The following GAPVD1 variants were observed in gnomAD, a reference collection of about 807,000 sequenced individuals.
The protein encoded by GAPVD1 is GTPase-activating protein and VPS9 domain-containing protein 1.
In GAPVD1, 35 loss-of-function variants were observed where a neutral mutation model predicts 155.5. The ratio of observed to expected loss-of-function variants is 0.23; its 90% CI spans 0.17 to 0.30. The LOEUF (loss-of-function observed/expected upper bound fraction) is 0.30. GAPVD1 is among the 10% of genes least tolerant of loss of function. The pLI, the probability that GAPVD1 is intolerant of heterozygous loss-of-function variation, is 1.00. For synonymous variants in GAPVD1, 636 were observed against 619.7 expected, an observed-to-expected ratio of 1.03 and a Z score of -0.39; for missense variants, 1,429 against 1,775.7, an observed-to-expected ratio of 0.80 and a Z score of 3.51.
At chr9:125,342,909 C>T (rs1848016336) in intron 19 of GAPVD1, among the ~76,000 whole-genome samples, 1 of 152,110 alleles carries the variant, frequency 6.6e-6, no homozygotes. Flanking sequence ...GAAAATACAG[C>T]TGGGGGTTGG....
chr9:125,321,881 A>G (rs1844369443), intron 10 of GAPVD1, among the ~76,000 whole-genome samples: 1 of 152,344 alleles, frequency 6.6e-6, no homozygotes, highest in Non-Finnish European at 1.5e-5. Flanking sequence ...GATATCATGC[A>G]TGTCGAAACG....
At position 125,363,669 on chromosome 9, in the gene GAPVD1, A is replaced by G. The variant is rs1851235008; in HGVS notation, c.*923A>G. The G allele has an allele frequency of 6.6e-6, 1 of 152,652 alleles. No individual in the cohort carries two copies. Among genetic ancestry groups the G allele is most frequent in the South Asian group, 2.1e-4 (1 of 4,832 alleles). The allele number at this position is 152,652 out of a possible 1,614,324, so 9.5% of individuals were successfully genotyped here. ...GAAATCCCAGACAGAGCTCCTTACAAACCTTTAATTGTAATATATTTTTGA... is the reference window on the plus strand; with the variant it reads ...GAAATCCCAGACAGAGCTCCTTACAGACCTTTAATTGTAATATATTTTTGA... On this transcript the variant is annotated 3_prime_UTR_variant, in exon 28 of 28. Transcript: ENST00000297933.
chr9:125,286,874 A>C (rs527881466), intron 2 of GAPVD1, among the ~76,000 whole-genome samples: 2 of 152,226 alleles, frequency 1.3e-5, no homozygotes, highest in East Asian at 3.9e-4. Flanking sequence ...ACCTGAGGTC[A>C]TGAGTTTGAG....
chr9:125,281,231 T>C lies in GAPVD1; in HGVS notation c.-150+12247T>C, dbSNP rs1394036520. ...TTCGAATACTGCTCTCAAGTTTGTA[T>C]AATTTTTTTTACTGAAAAAAGTTGC... is the stretch of plus-strand genomic sequence containing the variant. On this transcript the variant is annotated intron_variant, in intron 2 of 27. Coordinates refer to ENST00000297933, the MANE Select transcript of GAPVD1 (RefSeq NM_001282680.3). 2.0e-5 allele frequency among the ~76,000 whole-genome samples: 3 copies of C among 152,230 alleles called. No individual in the cohort carries two copies. In the East Asian group the frequency reaches 5.8e-4, roughly 29 times the overall value.
intron 20 of GAPVD1, 149 bp downstream of exon 20, chr9:125,347,090 T>C: frequency 5.5e-6 from 4 of 732,304 alleles, no homozygotes; most frequent in Non-Finnish European, 8.9e-6. Flanking sequence ...AATGTTTAAA[T>C]TGATGTCCTT....
At chr9:125,338,884 C>G (rs961224133) in intron 17 of GAPVD1, among the ~76,000 whole-genome samples, 1 of 150,958 alleles carries the variant, frequency 6.6e-6, no homozygotes, top group Non-Finnish European at 1.5e-5. Context: ...AACTTACCTA[C>G]TTATTATATC....
Position 125,354,816 on chromosome 9 carries a change from AAAG to A in GAPVD1, c.3737_3739del (p.Lys1246del). On this transcript the variant is annotated inframe_deletion, in exon 24 of 28. Coordinates refer to ENST00000297933, the MANE Select transcript of GAPVD1 (RefSeq NM_001282680.3). ...TGAGATTACTGCTTGAGAGCAAAGA[AAAG>A]AAGATCAGGGAATTCATTCAAGGTA... 3.7e-6 allele frequency: 6 copies of A among 1,613,554 alleles called. No homozygotes were observed. Among genetic ancestry groups the A allele is most frequent in the Middle Eastern group, 1.7e-4 (1 of 6,060 alleles).
chr9:125,275,268 G>T (rs1040184479), intron 2 of GAPVD1, among the ~76,000 whole-genome samples: 7 of 151,922 alleles, frequency 4.6e-5, no homozygotes, highest in African/African-American at 1.7e-4. Context: ...TAGAGACGGG[G>T]TTTCACTATG....
intron 9 of GAPVD1, among the ~76,000 whole-genome samples, chr9:125,317,361 C>CA (rs1471343778): frequency 2.0e-5 from 3 of 150,914 alleles, no homozygotes; most frequent in Non-Finnish European, 4.4e-5. Context: ...GGCGGTGGCT[C>CA]ACGCCTGTAA....
intron 9 of GAPVD1, among the ~76,000 whole-genome samples, chr9:125,314,583 C>T (rs529355784): frequency 2.6e-4 from 40 of 151,682 alleles, no homozygotes; most frequent in Admixed American, 4.6e-4. Flanking sequence ...GAACCCGGGA[C>T]GTGGAGGTTG....
intron 10 of GAPVD1, 69 bp from the exon 11 acceptor site, chr9:125,323,729 G>A (rs1221621611): frequency 2.7e-6 from 4 of 1,456,890 alleles, no homozygotes; most frequent in Non-Finnish European, 2.9e-6. Flanking sequence ...TTTTATCAAG[G>A]CATGAAAAAT....
chr9:125,307,583 G>A, intron 7 of GAPVD1, 36 bp downstream of exon 7: 1 of 1,595,290 alleles, frequency 6.3e-7, no homozygotes, highest in South Asian at 1.1e-5. Context: ...TTTCTCGAAA[G>A]TCTTTTAGCT....
At chr9:125,342,811 A>G (rs1848002413) in intron 19 of GAPVD1, among the ~76,000 whole-genome samples, 1 of 152,246 alleles carries the variant, frequency 6.6e-6, no homozygotes, top group Non-Finnish European at 1.5e-5. Flanking sequence ...AAACAGTATC[A>G]TAAATGCCAA....
At chr9:125,293,884 A>ATATATAAATATATTT (rs1564312263) in intron 2 of GAPVD1, among the ~76,000 whole-genome samples, 7 of 22,678 alleles carry the variant, frequency 3.1e-4, no homozygotes, top group African/African-American at 1.2e-3. Context: ...ATATATATAT[A>ATATATAAATATATTT]TATATATATA....
intron 1 of GAPVD1, among the ~76,000 whole-genome samples, chr9:125,267,718 A>C (rs1038380927): frequency 7.2e-5 from 11 of 151,786 alleles, no homozygotes; most frequent in Non-Finnish European, 1.0e-4. Context: ...CAATTAAAAA[A>C]AGAATTTTTT....
At chr9:125,272,493 C>G (rs1246090222) in intron 2 of GAPVD1, among the ~76,000 whole-genome samples, 1 of 152,136 alleles carries the variant, frequency 6.6e-6, no homozygotes, top group African/African-American at 2.4e-5. Context: ...TAAGGCCTCT[C>G]TATGAATAAG....
intron 1 of GAPVD1, among the ~76,000 whole-genome samples, chr9:125,262,424 C>T (rs1588450280): frequency 6.6e-6 from 1 of 152,214 alleles, no homozygotes; most frequent in Non-Finnish European, 1.5e-5. Context: ...CAGACACTCA[C>T]TGTACTTGGC....
At chr9:125,293,881 T>TATATATA (rs1839340235) in intron 2 of GAPVD1, among the ~76,000 whole-genome samples, 1 of 20,408 alleles carries the variant, frequency 4.9e-5, no homozygotes, top group African/African-American at 2.2e-4. Flanking sequence ...TATATATATA[T>TATATATA]ATATATATAT....
chr9:125,300,391 A>G (rs1840682220), intron 4 of GAPVD1, among the ~76,000 whole-genome samples: 2 of 151,554 alleles, frequency 1.3e-5, no homozygotes, highest in Non-Finnish European at 2.9e-5. Flanking sequence ...CATGTTGGTC[A>G]GACTGGTCTT....
Sources: allele counts gnomAD v4.1 joint callset (sites outside exome capture counted in the v4.1 genomes callset), GRCh38; gene constraint gnomAD v4.1.1; transcripts MANE v1.5; gene names NCBI Gene and HGNC (gene_info 2026-07-23, HGNC 2026-07-21).